RANBP17: variants seen among roughly 807,000 people sequenced by gnomAD.
RANBP17 encodes ran-binding protein 17.
Under a neutral mutation model 141.2 loss-of-function variants are expected in RANBP17, and 158 were observed. The ratio of observed to expected loss-of-function variants is 1.12; its 90% CI spans 0.98 to 1.28. The LOEUF (loss-of-function observed/expected upper bound fraction) is 1.28. Ranked by LOEUF, RANBP17 falls within the 50% of genes most tolerant of loss-of-function variation. The pLI is 0.00. For missense variants in RANBP17, 1,438 were observed against 1,290.7 expected, an observed-to-expected ratio of 1.11 and a Z score of -1.75; for synonymous variants, 430 against 450.0, an observed-to-expected ratio of 0.96 and a Z score of 0.56.
chr5:171,060,296 T>C (rs1783719504), intron 14 of RANBP17, among the ~76,000 whole-genome samples: 1 of 139,092 alleles, frequency 7.2e-6, no homozygotes, highest in Non-Finnish European at 1.6e-5. Context: ...ATATTGGCTG[T>C]GGGTTTGTCA....
At chr5:171,155,381 T>C (rs1298853022) in intron 14 of RANBP17, among the ~76,000 whole-genome samples, 1 of 151,986 alleles carries the variant, frequency 6.6e-6, no homozygotes, top group Non-Finnish European at 1.5e-5. Flanking sequence ...TATTTGAGAA[T>C]AATATCATTT....
chr5:171,293,267 G>A (rs1048365862), intron 25 of RANBP17, among the ~76,000 whole-genome samples: 4 of 152,158 alleles, frequency 2.6e-5, no homozygotes, highest in African/African-American at 9.7e-5. Flanking sequence ...GTAAATGCCT[G>A]TATAATCTTA....
At position 171,082,179 on chromosome 5, in the gene RANBP17, A is replaced by T. The variant is rs151271473; in HGVS notation, c.1711-87951A>T. ...TGTGTTACACACCTGACTTGCGCTC[A>T]TCTCAAATAGAATATCTTACCTTTG... On this transcript the variant is annotated intron_variant, in intron 14 of 27. Coordinates refer to ENST00000523189, the MANE Select transcript of RANBP17 (RefSeq NM_022897.5). Among the ~76,000 whole-genome samples the T allele has an allele frequency of 8.9e-3, 1,355 of 152,238 alleles. 13 individuals carry two copies. Among genetic ancestry groups the T allele is most frequent in the Non-Finnish European group, 0.013 (906 of 68,002 alleles).
chr5:171,148,615 T>G (rs6861146), intron 14 of RANBP17, among the ~76,000 whole-genome samples: 129,566 of 147,858 alleles, frequency 0.88, 57,520 homozygotes, highest in Non-Finnish European at 0.96. Flanking sequence ...TATATATATA[T>G]AGAGAGAGAG....
At chr5:171,209,083 C>G (rs1277150661) in intron 20 of RANBP17, among the ~76,000 whole-genome samples, 1 of 152,076 alleles carries the variant, frequency 6.6e-6, no homozygotes, top group Non-Finnish European at 1.5e-5. Flanking sequence ...AACAAAGATA[C>G]AAACAGGACA....
At chr5:171,037,334 GTTTGGATA>G (rs918655687) in intron 14 of RANBP17, among the ~76,000 whole-genome samples, 5 of 151,954 alleles carry the variant, frequency 3.3e-5, no homozygotes, top group Non-Finnish European at 5.9e-5. Flanking sequence ...TTGTCATAAA[GTTTGGATA>G]TTAGACTTCT....
chr5:171,178,687 T>TAG (rs768319199), intron 16 of RANBP17, among the ~76,000 whole-genome samples: 7 of 152,160 alleles, frequency 4.6e-5, no homozygotes, highest in Admixed American at 2.6e-4. Flanking sequence ...CATCTGTTGT[T>TAG]TCCTGACTTT....
At chr5:171,278,025 T>G (rs751884621) in intron 25 of RANBP17, among the ~76,000 whole-genome samples, 1 of 138,158 alleles carries the variant, frequency 7.2e-6, no homozygotes, top group Non-Finnish European at 1.5e-5. Context: ...CTGGCTCAGT[T>G]TGAGTCGTTC....
At chr5:171,242,099 C>T (rs559596230) in intron 23 of RANBP17, among the ~76,000 whole-genome samples, 1 of 152,054 alleles carries the variant, frequency 6.6e-6, no homozygotes, top group South Asian at 2.1e-4. Flanking sequence ...GCTGGAATTA[C>T]CAGCATGAAC....
chr5:171,032,998 T>A (rs983734166), intron 14 of RANBP17, among the ~76,000 whole-genome samples: 1 of 152,148 alleles, frequency 6.6e-6, no homozygotes, highest in Non-Finnish European at 1.5e-5. Flanking sequence ...AGGTTATTGT[T>A]TATGTATTAC....
intron 19 of RANBP17, among the ~76,000 whole-genome samples, chr5:171,201,432 T>C (rs1207773896): frequency 1.3e-5 from 2 of 152,242 alleles, no homozygotes; most frequent in Non-Finnish European, 2.9e-5. Flanking sequence ...CTGAGAACTG[T>C]GCCTCAGAAT....
chr5:171,144,850 T>G (rs1757932658), intron 14 of RANBP17, among the ~76,000 whole-genome samples: 1 of 152,214 alleles, frequency 6.6e-6, no homozygotes, highest in African/African-American at 2.4e-5. Context: ...CTGCATTGGT[T>G]CAGAGGAACT....
chr5:171,210,922 T>A (rs1250749506), intron 20 of RANBP17, among the ~76,000 whole-genome samples: 4 of 150,682 alleles, frequency 2.7e-5, no homozygotes, highest in African/African-American at 7.3e-5. Flanking sequence ...GGAAAATCGC[T>A]TGAACCCAGG....
chr5:171,276,918 TAAAAAAAAAAAAAAAAA>T (rs149425836), intron 25 of RANBP17, among the ~76,000 whole-genome samples: 1 of 82,236 alleles, frequency 1.2e-5, no homozygotes, highest in Non-Finnish European at 2.4e-5. Context: ...AAATGTATCT[TAAAAAAAAAAAAAAAAA>T]AAAAAAAAAC....
chr5:171,278,977 A>G (rs1767692682), intron 25 of RANBP17, among the ~76,000 whole-genome samples: 1 of 152,232 alleles, frequency 6.6e-6, no homozygotes, highest in African/African-American at 2.4e-5. Context: ...CCTGCTATTT[A>G]TACTATAAAT....
intron 14 of RANBP17, among the ~76,000 whole-genome samples, chr5:171,127,331 A>G (rs997569623): frequency 1.3e-5 from 2 of 152,222 alleles, no homozygotes; most frequent in African/African-American, 4.8e-5. Context: ...TCTCAACATA[A>G]GAAAAGCTAT....
intron 14 of RANBP17, among the ~76,000 whole-genome samples, chr5:171,111,916 T>C (rs1755259807): frequency 2.0e-5 from 3 of 152,282 alleles, no homozygotes; most frequent in Non-Finnish European, 2.9e-5. Context: ...GTGCCTCTAG[T>C]GCCCAGAAAA....
intron 14 of RANBP17, among the ~76,000 whole-genome samples, chr5:171,038,747 A>T (rs529040822): frequency 6.6e-4 from 101 of 152,280 alleles, no homozygotes; most frequent in Admixed American, 3.5e-3. Flanking sequence ...TGATTTGTTT[A>T]CATGGTGAAT....
At chr5:171,083,960 C>T (rs868107575) in intron 14 of RANBP17, among the ~76,000 whole-genome samples, 1 of 146,912 alleles carries the variant, frequency 6.8e-6, no homozygotes, top group Non-Finnish European at 1.5e-5. Flanking sequence ...GTGGTTATGT[C>T]TTTTTTTTTT....
Sources: gnomAD v4.1 joint callset for allele counts (sites outside exome capture counted in the v4.1 genomes callset) on GRCh38, gnomAD v4.1.1 for gene constraint, MANE v1.5 for transcripts, NCBI Gene and HGNC (gene_info 2026-07-23, HGNC 2026-07-21) for gene names.